Variants in UVRAG observed in about 807,000 individuals in gnomAD.
UVRAG encodes UV radiation resistance-associated gene protein.
UVRAG carries 19 observed loss-of-function variants against 78.0 expected under a neutral mutation model. That is an observed-to-expected ratio of 0.24 (90% CI 0.17 to 0.36). The LOEUF (loss-of-function observed/expected upper bound fraction) is 0.36, where lower values mean the gene tolerates loss of function less well. UVRAG is among the 10% of genes least tolerant of loss of function. The pLI is 1.00. For missense variants in UVRAG, 740 were observed against 853.8 expected, an observed-to-expected ratio of 0.87 and a Z score of 1.66; for synonymous variants, 323 against 324.6, an observed-to-expected ratio of 1.00 and a Z score of 0.05.
At chr11:76,138,521 G>C (rs1952639978) in intron 14 of UVRAG, among the ~76,000 whole-genome samples, 1 of 152,218 alleles carries the variant, frequency 6.6e-6, no homozygotes. Flanking sequence ...AACTCAACGA[G>C]GGCTACAAAC....
intron 1 of UVRAG, among the ~76,000 whole-genome samples, chr11:75,827,111 C>T (rs752604221): frequency 2.6e-5 from 4 of 151,388 alleles, no homozygotes; most frequent in Non-Finnish European, 5.9e-5. Flanking sequence ...CAGTAGACTC[C>T]TGGGAAAGAA....
chr11:75,951,373 T>C (rs1226646065), intron 6 of UVRAG, among the ~76,000 whole-genome samples: 1 of 142,014 alleles, frequency 7.0e-6, no homozygotes, highest in East Asian at 2.0e-4. Context: ...ATATTTTTTG[T>C]TTGTTTGTTT....
chr11:76,089,702 C>G (rs552820954), intron 13 of UVRAG, among the ~76,000 whole-genome samples: 30 of 152,286 alleles, frequency 2.0e-4, no homozygotes, highest in South Asian at 1.9e-3. Context: ...TAACGACTTT[C>G]AACAATCTTA....
chr11:75,895,692 G>A (rs1190862288), intron 5 of UVRAG, among the ~76,000 whole-genome samples: 2 of 151,694 alleles, frequency 1.3e-5, no homozygotes, highest in South Asian at 2.1e-4. Flanking sequence ...GCCCAGGATG[G>A]TCTTGAACTT....
rs139251992 is a variant in UVRAG at position 76,085,402 on chromosome 11, C to T, written c.1305+19614C>T. On this transcript the variant is annotated intron_variant, in intron 13 of 14. Transcript: ENST00000356136. ...CGTCAAAGTGTGATCCACAGGCCAG[C>T]AGGCAGTCTGTAGTCCATAGAGCTT... is the stretch of plus-strand genomic sequence containing the variant. Among the ~76,000 whole-genome samples the T allele has an allele frequency of 8.4e-3, 1,278 of 152,280 alleles. 9 individuals carry two copies. The highest frequency in any genetic ancestry group is 0.027 in the Middle Eastern group (8 of 294).
chr11:75,839,578 A>C (rs1190979954), intron 1 of UVRAG, among the ~76,000 whole-genome samples: 1 of 151,350 alleles, frequency 6.6e-6, no homozygotes, highest in South Asian at 2.1e-4. Context: ...CTCTTTTTTC[A>C]ATTTTCTCTT....
At chr11:75,940,076 G>A (rs908271664) in intron 6 of UVRAG, among the ~76,000 whole-genome samples, 1 of 152,144 alleles carries the variant, frequency 6.6e-6, no homozygotes, top group Non-Finnish European at 1.5e-5. Flanking sequence ...TCTAATTTCA[G>A]TAATAAGGCT....
At position 75,824,822 on chromosome 11, in the gene UVRAG, T is replaced by C. The variant is rs188344281; in HGVS notation, c.117+9298T>C. Among the ~76,000 whole-genome samples, 485 of 151,762 alleles carry C rather than the reference T, an allele frequency of 3.2e-3. 4 individuals carry two copies. The highest frequency in any genetic ancestry group is 0.011 in the African/African-American group (437 of 41,370). ...CCTAGTAGCTGGGACTACAGGCGCCTGCCACCACGCCCGGCTAATTTTTTG... is the reference window on the plus strand; with the variant it reads ...CCTAGTAGCTGGGACTACAGGCGCCCGCCACCACGCCCGGCTAATTTTTTG... On this transcript the variant is annotated intron_variant, in intron 1 of 14. Coordinates refer to ENST00000356136, the MANE Select transcript of UVRAG (RefSeq NM_003369.4).
intron 12 of UVRAG, among the ~76,000 whole-genome samples, chr11:76,065,232 TA>T (rs1473451619): frequency 6.6e-6 from 1 of 152,230 alleles, no homozygotes; most frequent in Non-Finnish European, 1.5e-5. Context: ...TTTTGGCTCA[TA>T]TTGGCACTGT....
chr11:75,982,811 T>C (rs145149811), intron 7 of UVRAG, among the ~76,000 whole-genome samples: 2 of 152,376 alleles, frequency 1.3e-5, no homozygotes, highest in East Asian at 3.9e-4. Context: ...TTTTTAAGGT[T>C]GATCCATGTT....
chr11:75,971,090 A>G (rs527687079), intron 7 of UVRAG, among the ~76,000 whole-genome samples: 6 of 152,312 alleles, frequency 3.9e-5, no homozygotes, highest in African/African-American at 9.6e-5. Context: ...ATGATTTCAT[A>G]TAGTAGGAAT....
chr11:76,047,679 A>G (rs1305943879), intron 12 of UVRAG, among the ~76,000 whole-genome samples: 4 of 152,236 alleles, frequency 2.6e-5, no homozygotes, highest in African/African-American at 9.6e-5. Context: ...TTGAGGCACT[A>G]AGATTAAACT....
At chr11:76,139,343 A>G (rs1591277479) in intron 14 of UVRAG, among the ~76,000 whole-genome samples, 2 of 152,308 alleles carry the variant, frequency 1.3e-5, no homozygotes, top group Admixed American at 1.3e-4. Flanking sequence ...TTGTAATTTG[A>G]AAATGTATTA....
At chr11:76,101,712 G>A (rs912621234) in intron 13 of UVRAG, among the ~76,000 whole-genome samples, 1 of 152,064 alleles carries the variant, frequency 6.6e-6, no homozygotes, top group Non-Finnish European at 1.5e-5. Flanking sequence ...TATAGTTTTG[G>A]GTTGTACATG....
At chr11:75,925,846 C>T (rs1348330062) in intron 6 of UVRAG, among the ~76,000 whole-genome samples, 7 of 152,160 alleles carry the variant, frequency 4.6e-5, no homozygotes, top group Admixed American at 4.6e-4. Context: ...AATACTATTA[C>T]AAGCTCAGAC....
intron 13 of UVRAG, among the ~76,000 whole-genome samples, chr11:76,092,206 A>G (rs576167050): frequency 1.3e-5 from 2 of 152,248 alleles, no homozygotes. Context: ...CATGGTGTAT[A>G]TGTGCCACAT....
intron 6 of UVRAG, among the ~76,000 whole-genome samples, chr11:75,949,047 T>G (rs150605936): frequency 2.3e-3 from 353 of 152,114 alleles, no homozygotes; most frequent in African/African-American, 8.1e-3. Flanking sequence ...AGAATAAGAG[T>G]TGAAGCTAAG....
intron 1 of UVRAG, among the ~76,000 whole-genome samples, chr11:75,821,645 T>A (rs557268609): frequency 6.6e-6 from 1 of 152,230 alleles, no homozygotes. Context: ...CAACCCTTAG[T>A]TTTTACCTGA....
chr11:75,891,887 A>G (rs951187721), intron 5 of UVRAG, among the ~76,000 whole-genome samples: 14 of 152,104 alleles, frequency 9.2e-5, no homozygotes, highest in African/African-American at 3.4e-4. Flanking sequence ...TCACTGGGCA[A>G]TGGACGAGAC....
Sources: gnomAD v4.1 joint callset for allele counts (sites outside exome capture counted in the v4.1 genomes callset) on GRCh38, gnomAD v4.1.1 for gene constraint, MANE v1.5 for transcripts, NCBI Gene and HGNC (gene_info 2026-07-23, HGNC 2026-07-21) for gene names.